TLN2: variants seen among roughly 807,000 people sequenced by gnomAD.
TLN2 encodes the protein talin-2.
Under a neutral mutation model 294.7 loss-of-function variants are expected in TLN2, and 118 were observed. The observed-to-expected ratio is 0.40, with a 90% CI of 0.34 to 0.47. The LOEUF is 0.47. Among genes scored for constraint, TLN2 ranks in the 20% least tolerant of loss-of-function variants. The probability of loss-of-function intolerance (pLI) is 0.84; values close to 1 mark genes in which losing one functional copy is unlikely to be tolerated. For synonymous variants in TLN2, 1,431 were observed against 1,304.5 expected, an observed-to-expected ratio of 1.10 and a Z score of -2.09; for missense variants, 3,083 against 3,282.2, an observed-to-expected ratio of 0.94 and a Z score of 1.48.
chr15:62,656,098 A>G lies in TLN2; in HGVS notation c.660+12A>G. On this transcript the variant is annotated intron_variant, in intron 8 of 58. Coordinates refer to ENST00000636159, the MANE Select transcript of TLN2 (RefSeq NM_015059.3). ...TGCTTTATGTTCAGGTACAGTATTT[A>G]CTGCTCAGACACTGAGGTTGGTGAG... 1 of 1,613,050 alleles carries G rather than the reference A, an allele frequency of 6.2e-7. No individual in the cohort carries two copies. The highest frequency in any genetic ancestry group is 1.7e-5 in the Admixed American group (1 of 60,010).
rs79619429 is a variant in TLN2, at chr15:62,450,600, G to A, written c.-238+59915G>A. On this transcript the variant is annotated intron_variant, in intron 1 of 58. Transcript: ENST00000636159. ...CTGTGTGTGTGTGTGTTTGAGACAG[G>A]GTCTGACTTTGACATCTGGGCTGGA... Among the ~76,000 whole-genome samples, 957 of 151,460 alleles carry A rather than the reference G, an allele frequency of 6.3e-3. 11 individuals are homozygous for A. Among genetic ancestry groups the A allele is most frequent in the African/African-American group, 0.022 (890 of 41,184 alleles).
At chr15:62,767,922 G>C (rs925893844) in intron 41 of TLN2, among the ~76,000 whole-genome samples, 2 of 152,198 alleles carry the variant, frequency 1.3e-5, no homozygotes, top group African/African-American at 2.4e-5. Context: ...TCCTATGTTA[G>C]TGGTTAGCAT....
chr15:62,693,730 A>T (rs562985719), intron 13 of TLN2, among the ~76,000 whole-genome samples: 2 of 152,180 alleles, frequency 1.3e-5, no homozygotes, highest in East Asian at 3.8e-4. Flanking sequence ...TAATATGTGC[A>T]TCTTGATTTT....
At position 62,523,154 on chromosome 15, in the gene TLN2, C is replaced by A. The variant is rs138073669; in HGVS notation, c.-237-66533C>A. 1.6e-3 allele frequency among the ~76,000 whole-genome samples: 237 copies of A among 152,288 alleles called. 1 individual carries two copies. Among genetic ancestry groups the A allele is most frequent in the African/African-American group, 5.4e-3 (226 of 41,560 alleles). On this transcript the variant is annotated intron_variant, in intron 1 of 58. Coordinates refer to ENST00000636159, the MANE Select transcript of TLN2 (RefSeq NM_015059.3). ...GACCAGAAGTTTATATAAAGTACAT[C>A]ATGGCACAGCTGTTCTTACAGAGCC...
chr15:62,677,191 C>G (rs895396255), intron 11 of TLN2, among the ~76,000 whole-genome samples: 25 of 152,286 alleles, frequency 1.6e-4, no homozygotes, highest in African/African-American at 6.0e-4. Context: ...TGAAGGGCAA[C>G]CAGTAGTAGA....
At chr15:62,487,714 T>G (rs767141316) in intron 1 of TLN2, among the ~76,000 whole-genome samples, 4 of 151,268 alleles carry the variant, frequency 2.6e-5, no homozygotes, top group Non-Finnish European at 4.4e-5. Flanking sequence ...AGGTGGATCA[T>G]GGGGTCAGGA....
intron 46 of TLN2, among the ~76,000 whole-genome samples, chr15:62,794,120 G>A (rs906237273): frequency 2.6e-5 from 4 of 152,152 alleles, no homozygotes; most frequent in African/African-American, 7.2e-5. Context: ...GGAGGAGAGG[G>A]GTCCGAGCTA....
intron 1 of TLN2, among the ~76,000 whole-genome samples, chr15:62,454,038 C>T (rs1007243976): frequency 2.0e-5 from 3 of 152,158 alleles, no homozygotes; most frequent in Non-Finnish European, 4.4e-5. Context: ...CTGCCTGCTG[C>T]AAGGGCCCCT....
At chr15:62,840,397 C>A (rs1414957819) in intron 58 of TLN2, 85 bp from the exon 59 acceptor site, 14 of 1,550,286 alleles carry the variant, frequency 9.0e-6, no homozygotes, top group Middle Eastern at 1.8e-4. Flanking sequence ...GTCGCGGGAG[C>A]CGTGGAGCTC....
chr15:62,503,161 T>C (rs1466886214), intron 1 of TLN2, among the ~76,000 whole-genome samples: 1 of 152,242 alleles, frequency 6.6e-6, no homozygotes, highest in Admixed American at 6.5e-5. Context: ...GTACATCTAT[T>C]ATTCTTTATT....
intron 40 of TLN2, among the ~76,000 whole-genome samples, chr15:62,764,644 C>T (rs1309330428): frequency 1.3e-5 from 2 of 151,960 alleles, no homozygotes; most frequent in Admixed American, 6.6e-5. Context: ...GCCTTTCAAC[C>T]GGCAGCCAGA....
intron 1 of TLN2, among the ~76,000 whole-genome samples, chr15:62,391,067 A>G (rs1281007272): frequency 6.6e-6 from 1 of 152,164 alleles, no homozygotes; most frequent in Non-Finnish European, 1.5e-5. Flanking sequence ...TGGGCTTTGA[A>G]AAGCGGCCCC....
At chr15:62,468,934 T>C (rs2037309727) in intron 1 of TLN2, among the ~76,000 whole-genome samples, 1 of 152,312 alleles carries the variant, frequency 6.6e-6, no homozygotes, top group East Asian at 1.9e-4. Flanking sequence ...GAAGAACACC[T>C]ACGAATACAG....
At chr15:62,600,945 A>G (rs1177182560) in intron 2 of TLN2, among the ~76,000 whole-genome samples, 1 of 152,182 alleles carries the variant, frequency 6.6e-6, no homozygotes, top group African/African-American at 2.4e-5. Flanking sequence ...CTAATGTTCA[A>G]ATTTTCTCAA....
chr15:62,482,505 A>T (rs1458204585), intron 1 of TLN2, among the ~76,000 whole-genome samples: 1 of 146,540 alleles, frequency 6.8e-6, no homozygotes, highest in Non-Finnish European at 1.5e-5. Flanking sequence ...AGGAGGGGGG[A>T]GGCAGGAGAA....
chr15:62,555,372 A>G (rs2042549262), intron 1 of TLN2, among the ~76,000 whole-genome samples: 1 of 152,194 alleles, frequency 6.6e-6, no homozygotes, highest in African/African-American at 2.4e-5. Context: ...TATTTATAGC[A>G]TGAATGAATT....
intron 1 of TLN2, among the ~76,000 whole-genome samples, chr15:62,530,505 C>T (rs994691075): frequency 7.2e-5 from 11 of 151,912 alleles, no homozygotes; most frequent in African/African-American, 1.7e-4. Flanking sequence ...TACAGGCACG[C>T]GCCACCATGC....
intron 1 of TLN2, among the ~76,000 whole-genome samples, chr15:62,401,131 C>T (rs1359186033): frequency 6.6e-6 from 1 of 152,066 alleles, no homozygotes; most frequent in Non-Finnish European, 1.5e-5. Flanking sequence ...TTTGGCTGTC[C>T]TCTGGGACCC....
At position 62,673,310 on chromosome 15, in the gene TLN2, C is replaced by CTTTTTTTTTTTTTTTTT. The variant is rs56258541; in HGVS notation, c.789-515_789-499dup. 4.2e-4 allele frequency among the ~76,000 whole-genome samples: 18 copies of CTTTTTTTTTTTTTTTTT among 42,898 alleles called. 3 individuals are homozygous for CTTTTTTTTTTTTTTTTT. Among genetic ancestry groups the CTTTTTTTTTTTTTTTTT allele is most frequent in the African/African-American group, 5.2e-4 (7 of 13,438 alleles). The allele number at this position is 42,898 out of a possible 152,430, so 28.1% of individuals were successfully genotyped here. A position where few individuals can be genotyped will look rare whatever the true frequency, so the allele number is the denominator to read the frequency against. ...GTTTGCTTTAGATTTTTAGATGTTGCTTTTTTTTTTTTTTTTTTGCAATTT... is the reference window on the plus strand; with the variant it reads ...GTTTGCTTTAGATTTTTAGATGTTGCTTTTTTTTTTTTTTTTTTTTTTTTTTTTTTTTTTTGCAATTT... On this transcript the variant is annotated intron_variant, in intron 9 of 58. Transcript: ENST00000636159.
Sources: allele counts gnomAD v4.1 joint callset (sites outside exome capture counted in the v4.1 genomes callset), GRCh38; gene constraint gnomAD v4.1.1; transcripts MANE v1.5; gene names NCBI Gene and HGNC (gene_info 2026-07-23, HGNC 2026-07-21).